Variants in HADHA observed in about 807,000 individuals in gnomAD.
HADHA encodes the protein trifunctional enzyme subunit alpha, mitochondrial.
In HADHA, 59 loss-of-function variants were observed where a neutral mutation model predicts 91.3. The ratio of observed to expected loss-of-function variants is 0.65; its 90% CI spans 0.52 to 0.80. HADHA has a LOEUF of 0.80. Ranked by LOEUF, HADHA falls within the 30% of genes least tolerant of loss-of-function variation. The pLI is 0.00. For missense variants in HADHA, 800 were observed against 927.6 expected (o/e 0.86, Z 1.79); for synonymous variants, 320 against 338.9 (o/e 0.94, Z 0.61).
Position 26,192,020 on chromosome 2 carries a change from C to T in HADHA, c.2000+290G>A, listed in dbSNP as rs78674973. The stretch of plus-strand genomic sequence containing the variant: ...GGAGCAGGGGAGGGCCTTCACCAGA[C>T]GTGGCCTGGTTCTCACCTAGATGCT... On this transcript the variant is annotated intron_variant, in intron 18 of 19. Transcript: ENST00000380649. Among the ~76,000 whole-genome samples the T allele has an allele frequency of 0.015, 2,325 of 152,218 alleles. 55 individuals carry two copies. Among genetic ancestry groups the T allele is most frequent in the African/African-American group, 0.051 (2,115 of 41,516 alleles).
intron 7 of HADHA, among the ~76,000 whole-genome samples, chr2:26,215,556 C>T (rs1438454863): frequency 6.6e-6 from 1 of 152,162 alleles, no homozygotes; most frequent in East Asian, 1.9e-4. Flanking sequence ...ATGGAAGTAA[C>T]AAGGACAACA....
chr2:26,195,733 T>C (rs1669650589), intron 14 of HADHA, among the ~76,000 whole-genome samples: 1 of 152,192 alleles, frequency 6.6e-6, no homozygotes, highest in African/African-American at 2.4e-5. Flanking sequence ...TTAAGACTCA[T>C]TAAACCAGCA....
Position 26,210,607 on chromosome 2 carries a change from G to A in HADHA, c.976-718C>T, listed in dbSNP as rs1246848159. 1.3e-5 allele frequency: 2 copies of A among 152,826 alleles called. No homozygotes were observed. The highest frequency in any genetic ancestry group is 2.9e-5 in the Non-Finnish European group (2 of 68,528). 9.5% of individuals were successfully genotyped at this position (152,826 alleles called of 1,614,324 possible). On this transcript the variant is annotated intron_variant, in intron 10 of 19. Coordinates refer to ENST00000380649, the MANE Select transcript of HADHA (RefSeq NM_000182.5). The surrounding 1 kb of genome is among the most constrained non-coding windows in gnomAD (Gnocchi z 4.0). ...GATCTGCCCGCCTTGGCCTTCCAAA[G>A]TGCTGGGATTACAGGCGTGAGCCAC...
At position 26,237,126 on chromosome 2, in the gene HADHA, C is replaced by A. The variant is rs1173638414; in HGVS notation, c.181-138G>T. 2 of 753,790 alleles carry A rather than the reference C, an allele frequency of 2.7e-6. 1 individual carries two copies. Among genetic ancestry groups the A allele is most frequent in the Non-Finnish European group, 4.7e-6 (2 of 424,972 alleles). 46.7% of individuals were successfully genotyped at this position (753,790 alleles called of 1,614,324 possible). Reference sequence around the variant, plus strand: ...ACTGTTAGAAGAGAGTAAGAAATATCATTCTCCCAGCAAGTCAGTAGCTTT... The same window carrying A: ...ACTGTTAGAAGAGAGTAAGAAATATAATTCTCCCAGCAAGTCAGTAGCTTT... On this transcript the variant is annotated intron_variant, in intron 3 of 19. Transcript: ENST00000380649.
chr2:26,206,585 G>A (rs1205288646), intron 11 of HADHA, among the ~76,000 whole-genome samples: 1 of 152,120 alleles, frequency 6.6e-6, no homozygotes, highest in Non-Finnish European at 1.5e-5. Context: ...CATGGTTCAC[G>A]GAAGTATACT....
chr2:26,204,204 G>C lies in HADHA; in HGVS notation c.1086-8C>G. The C allele has an allele frequency of 6.2e-7, 1 of 1,613,622 alleles. No homozygotes were observed. Among genetic ancestry groups the C allele is most frequent in the Non-Finnish European group, 8.5e-7 (1 of 1,179,506 alleles). On this transcript the variant is annotated splice_polypyrimidine_tract_variant and splice_region_variant and intron_variant, in intron 11 of 19. Coordinates refer to ENST00000380649, the MANE Select transcript of HADHA (RefSeq NM_000182.5). ...CCAAGAATAGCCAGATGCCTGCAAG[G>C]CAAGGATGAAATGACTTTCGGTAAA...
At chr2:26,207,197 C>T (rs947134934) in intron 11 of HADHA, among the ~76,000 whole-genome samples, 1 of 151,676 alleles carries the variant, frequency 6.6e-6, no homozygotes, top group Non-Finnish European at 1.5e-5. Context: ...GACCCTGTCT[C>T]TAAAAAAACA....
At chr2:26,225,627 C>T (rs1030250943) in intron 7 of HADHA, among the ~76,000 whole-genome samples, 2 of 151,914 alleles carry the variant, frequency 1.3e-5, no homozygotes, top group African/African-American at 4.8e-5. Context: ...TATTAATAGA[C>T]TAAAAAAGAA....
At chr2:26,198,803 A>G (rs1669751911) in intron 13 of HADHA, among the ~76,000 whole-genome samples, 1 of 152,038 alleles carries the variant, frequency 6.6e-6, no homozygotes, top group African/African-American at 2.4e-5. Context: ...TAATCCCAAC[A>G]CTTCAGGAGG....
Position 26,195,218 on chromosome 2 carries a change from G to A in HADHA, c.1494C>T (p.His498=). 1.2e-6 allele frequency: 2 copies of A among 1,613,192 alleles called. No individual in the cohort carries two copies. Among genetic ancestry groups the A allele is most frequent in the Non-Finnish European group, 1.7e-6 (2 of 1,179,228 alleles). Residue 498 remains histidine, a synonymous_variant, in exon 15 of 20, where the codon CAC becomes CAT. Coordinates refer to ENST00000380649, the MANE Select transcript of HADHA (RefSeq NM_000182.5). ...GCATCTTGTCCACGGGAGAGAAGTA[G>A]TGCATGCCAATCACCTGGCAAGGGG... is the stretch of plus-strand genomic sequence containing the variant. ...SKRPEKVIGM[H]YFSPVDKMQL... is the part of the protein sequence containing the mutation.
At chr2:26,230,359 C>T in intron 6 of HADHA, 65 bp from the exon 7 acceptor site, 4 of 918,270 alleles carry the variant, frequency 4.4e-6, no homozygotes, top group East Asian at 2.4e-5. Flanking sequence ...ATATAGTTTA[C>T]AAATCATCAA....
At chr2:26,237,249 A>T (rs866254744) in intron 3 of HADHA, among the ~76,000 whole-genome samples, 3 of 152,198 alleles carry the variant, frequency 2.0e-5, no homozygotes, top group African/African-American at 7.2e-5. Context: ...TTTGAATCAT[A>T]TGTAGGCTAT....
At chr2:26,223,090 T>C (rs1241122602) in intron 7 of HADHA, among the ~76,000 whole-genome samples, 6 of 152,184 alleles carry the variant, frequency 3.9e-5, no homozygotes, top group Non-Finnish European at 8.8e-5. Context: ...TCTGCCTGTC[T>C]AGAGGGCTCA....
In HADHA at chr2:26,232,237, T is replaced by C. The variant is rs1558329257; in HGVS notation, c.496A>G (p.Lys166Glu). The change falls in exon 6 of 20, where the codon AAA (lysine) becomes GAA (glutamate). Residue 166 changes from lysine to glutamate, a missense_variant. By Grantham distance (56) the Lys-to-Glu change is moderately conservative. Coordinates refer to ENST00000380649, the MANE Select transcript of HADHA (RefSeq NM_000182.5). ...CQYRIATKDR[K>E]TVLGTPEVLL... ...ACTTCAGGGGTACCTAATACTGTTTTTCTGTCTTTTGTTGCTATTCTGTAT... is the reference window on the plus strand; with the variant it reads ...ACTTCAGGGGTACCTAATACTGTTTCTCTGTCTTTTGTTGCTATTCTGTAT... The C allele has an allele frequency of 1.2e-6, 2 of 1,603,032 alleles. No homozygotes were observed. Among genetic ancestry groups the C allele is most frequent in the Admixed American group, 1.7e-5 (1 of 60,002 alleles).
At chr2:26,206,474 G>A (rs950852549) in intron 11 of HADHA, among the ~76,000 whole-genome samples, 4 of 152,004 alleles carry the variant, frequency 2.6e-5, no homozygotes, top group Non-Finnish European at 4.4e-5. Flanking sequence ...GGTGATCCAC[G>A]CACCTCGGAA....
chr2:26,205,487 G>GA (rs1240147588), intron 11 of HADHA, among the ~76,000 whole-genome samples: 6 of 151,874 alleles, frequency 4.0e-5, no homozygotes, highest in East Asian at 1.9e-4. Context: ...AATAGGGACT[G>GA]AAAAAAAAGA....
In HADHA at chr2:26,191,512, A is replaced by G; in HGVS notation, c.2117T>C (p.Phe706Ser). 1 of 1,614,182 alleles carries G rather than the reference A, an allele frequency of 6.2e-7. No homozygotes were observed. Among genetic ancestry groups the G allele is most frequent in the Non-Finnish European group, 8.5e-7 (1 of 1,180,026 alleles). Residue 706 changes from phenylalanine to serine, a missense_variant, in exon 19 of 20, where the codon TTT becomes TCT. Physicochemically the swap from Phe to Ser is radical, Grantham distance 155 (BLOSUM62 -2). Coordinates refer to ENST00000380649, the MANE Select transcript of HADHA (RefSeq NM_000182.5). ...TPAEGDIGAV[F>S]GLGFPPCLGG... Reference sequence around the variant, plus strand: ...CAGACAAGGCGGGAAGCCAAGCCCAAAGACGGCTCCGATGTCTCCCTCTGC... The same window carrying G: ...CAGACAAGGCGGGAAGCCAAGCCCAGAGACGGCTCCGATGTCTCCCTCTGC...
intron 1 of HADHA, among the ~76,000 whole-genome samples, chr2:26,244,088 A>G (rs1671003932): frequency 2.0e-5 from 3 of 152,270 alleles, no homozygotes. Flanking sequence ...AAGGCTGATT[A>G]ATCCCATACA....
chr2:26,237,127 A>T (rs919715684), intron 3 of HADHA, 139 bp from the exon 4 acceptor site: 1 of 751,378 alleles, frequency 1.3e-6, no homozygotes, highest in Middle Eastern at 2.7e-4. Context: ...AAGAAATATC[A>T]TTCTCCCAGC....
Sources: gnomAD v4.1 joint callset for allele counts (sites outside exome capture counted in the v4.1 genomes callset) on GRCh38, gnomAD v4.1.1 for gene constraint, Gnocchi (gnomAD v3.1) non-coding constraint, MANE v1.5 for transcripts, NCBI Gene and HGNC (gene_info 2026-07-23, HGNC 2026-07-21) for gene names.